GREB1: variants seen among roughly 807,000 people sequenced by gnomAD.
GREB1 encodes the protein growth regulating estrogen receptor binding 1.
GREB1 carries 106 observed loss-of-function variants against 200.7 expected under a neutral mutation model. The observed-to-expected ratio is 0.53, with a 90% CI of 0.45 to 0.62. The LOEUF is 0.62. Ranked by LOEUF, GREB1 falls within the 20% of genes least tolerant of loss-of-function variation. The probability of loss-of-function intolerance (pLI) is 0.00; values close to 1 mark genes in which losing one functional copy is unlikely to be tolerated. For synonymous variants in GREB1, 1,132 were observed against 1,092.4 expected, an observed-to-expected ratio of 1.04 and a Z score of -0.72; for missense variants, 2,243 against 2,556.8, an observed-to-expected ratio of 0.88 and a Z score of 2.65.
chr2:11,598,024 C>A, intron 14 of GREB1, 46 bp downstream of exon 14: 1 of 1,391,884 alleles, frequency 7.2e-7, no homozygotes, highest in Non-Finnish European at 1.0e-6. Flanking sequence ...AAGCTTTGAT[C>A]TGCCGAAATC....
At chr2:11,586,222 G>A (rs1460894827) in intron 9 of GREB1, among the ~76,000 whole-genome samples, 1 of 152,158 alleles carries the variant, frequency 6.6e-6, no homozygotes, top group Non-Finnish European at 1.5e-5. Context: ...CTTCTGCCGT[G>A]GTCCCAGACC....
chr2:11,552,782 C>T (rs187434257), intron 1 of GREB1, among the ~76,000 whole-genome samples: 2,386 of 151,982 alleles, frequency 0.016, 66 homozygotes, highest in African/African-American at 0.054. Flanking sequence ...GAGGCCGAGG[C>T]GGGCGGATCA....
chr2:11,610,640 C>A, intron 17 of GREB1, 48 bp from the exon 18 acceptor site: 1 of 1,425,162 alleles, frequency 7.0e-7, no homozygotes, highest in South Asian at 1.3e-5. Flanking sequence ...CAGCAGCAGG[C>A]CGGTGGGCGC....
At chr2:11,536,071 A>G (rs1674279645) in intron 1 of GREB1, among the ~76,000 whole-genome samples, 1 of 152,188 alleles carries the variant, frequency 6.6e-6, no homozygotes, top group African/African-American at 2.4e-5. Context: ...AGGGAAGCAC[A>G]CAGATTAACC....
At chr2:11,579,563 A>T (rs1206100873) in intron 6 of GREB1, among the ~76,000 whole-genome samples, 1 of 152,072 alleles carries the variant, frequency 6.6e-6, no homozygotes, top group Non-Finnish European at 1.5e-5. Context: ...TACAGTGACC[A>T]CCCCCATTTT....
Position 11,507,395 on chromosome 2 carries a change from C to T in GREB1, c.-159+25014C>T, listed in dbSNP as rs1425866849. The stretch of plus-strand genomic sequence containing the variant: ...CTGCACTCCAGCCTGGGCAACAGAG[C>T]AAGACTCCAAAAAAAAAAAAAAACC... On this transcript the variant is annotated intron_variant, in intron 1 of 2. Transcript: ENST00000628795. Among the ~76,000 whole-genome samples the T allele has an allele frequency of 5.2e-5, 3 of 57,596 alleles. 1 individual carries two copies. Among genetic ancestry groups the T allele is most frequent in the Admixed American group, 4.9e-4 (2 of 4,110 alleles). The allele number at this position is 57,596 out of a possible 152,430, so 37.8% of individuals were successfully genotyped here.
intron 1 of GREB1, among the ~76,000 whole-genome samples, chr2:11,497,827 T>C (rs1204967996): frequency 6.6e-6 from 1 of 152,150 alleles, no homozygotes; most frequent in Admixed American, 6.6e-5. Context: ...TTCTTTTGCT[T>C]TGTTATACTA....
intron 1 of GREB1, among the ~76,000 whole-genome samples, chr2:11,485,752 A>G (rs1672642409): frequency 6.6e-6 from 1 of 152,208 alleles, no homozygotes; most frequent in African/African-American, 2.4e-5. Context: ...TTCTAGTACT[A>G]TCATTTTACT....
chr2:11,578,379 C>T lies in GREB1; in HGVS notation c.720C>T (p.Ser240=), dbSNP rs771445913. The T allele has an allele frequency of 1.1e-5, 17 of 1,613,928 alleles. No individual in the cohort carries two copies. The highest frequency in any genetic ancestry group is 6.7e-5 in the African/African-American group (5 of 74,918). ...PALESTAAFP[S]EPVPGTNPSI... ...TGGAGAGCACGGCTGCCTTCCCCAGCGAGCCCGTTCCTGGGACGAACCCCA... is the reference window on the plus strand; with the variant it reads ...TGGAGAGCACGGCTGCCTTCCCCAGTGAGCCCGTTCCTGGGACGAACCCCA... Residue 240 remains serine (S), a synonymous_variant, in exon 6 of 33, where the codon AGC becomes AGT. Transcript: ENST00000381486.
intron 23 of GREB1, among the ~76,000 whole-genome samples, chr2:11,622,886 A>C (rs915017562): frequency 6.6e-6 from 1 of 152,226 alleles, no homozygotes; most frequent in South Asian, 2.1e-4. Context: ...TTCTCACAGC[A>C]AACAGCACAA....
intron 1 of GREB1, among the ~76,000 whole-genome samples, chr2:11,482,901 G>C (rs939792883): frequency 2.0e-5 from 3 of 151,546 alleles, no homozygotes; most frequent in African/African-American, 7.2e-5. Flanking sequence ...GGCTGGGCTA[G>C]CCTCCGTCGG....
At chr2:11,535,384 CTTATTTAT>C (rs113410274) in intron 1 of GREB1, among the ~76,000 whole-genome samples, 4 of 151,242 alleles carry the variant, frequency 2.6e-5, no homozygotes, top group South Asian at 2.1e-4. Context: ...CCTCACCCCA[CTTATTTAT>C]TTATTTATTT....
chr2:11,552,770 G>A (rs1004159100), intron 1 of GREB1, among the ~76,000 whole-genome samples: 4 of 152,052 alleles, frequency 2.6e-5, no homozygotes, highest in African/African-American at 4.8e-5. Context: ...CCAGCACTTT[G>A]GGAGGCCGAG....
chr2:11,483,040 C>T (rs1672545033), intron 1 of GREB1, among the ~76,000 whole-genome samples: 1 of 151,542 alleles, frequency 6.6e-6, no homozygotes, highest in African/African-American at 2.4e-5. Flanking sequence ...GGCGGGCACT[C>T]GGCGCCCGGC....
Position 11,610,950 on chromosome 2 carries a change from G to A in GREB1, c.2929G>A (p.Glu977Lys). 6.2e-7 allele frequency: 1 copy of A among 1,610,198 alleles called. No homozygotes were observed. Among genetic ancestry groups the A allele is most frequent in the East Asian group, 2.2e-5 (1 of 44,708 alleles). The change falls in exon 18 of 33, where the codon GAG becomes AAG. Residue 977 changes from glutamate to lysine, a missense_variant. Glu to Lys is a moderately conservative substitution (Grantham distance 56, BLOSUM62 1). This residue lies in a region of GREB1 where 1,178 missense variants were observed against 1,387.4 expected (regional missense o/e 0.85). Coordinates refer to ENST00000381486, the MANE Select transcript of GREB1 (RefSeq NM_014668.4). ...LAHVRARLAL[E>K]EHFEIILGSP... ...CCACGTGCGGGCCCGGCTGGCGCTG[G>A]AGGAGCACTTTGAGATCATCCTGGG...
upstream of GREB1, among the ~76,000 whole-genome samples, chr2:11,533,596 A>T (rs962210707): frequency 2.0e-5 from 3 of 152,204 alleles, no homozygotes; most frequent in Admixed American, 2.0e-4. Context: ...TTTGTGTTTG[A>T]TGGAGGAAAA....
At position 11,633,198 on chromosome 2, in the gene GREB1, G is replaced by T; in HGVS notation, c.4991+135G>T. The T allele has an allele frequency of 2.4e-6, 2 of 826,780 alleles. No homozygotes were observed. The highest frequency in any genetic ancestry group is 3.2e-5 in the South Asian group (2 of 62,312). The allele number at this position is 826,780 out of a possible 1,614,324, so 51.2% of individuals were successfully genotyped here. On this transcript the variant is annotated intron_variant, in intron 28 of 32. Transcript: ENST00000381486. The surrounding 1 kb of genome is among the most constrained non-coding windows in gnomAD (Gnocchi z 4.1). Reference sequence around the variant, plus strand: ...CATAGTAGAAGGGGTGGTTGTGGTTGTGGTTCCCAGAGTCCTGGGTGTGGT... The same window carrying T: ...CATAGTAGAAGGGGTGGTTGTGGTTTTGGTTCCCAGAGTCCTGGGTGTGGT...
chr2:11,632,256 T>C, intron 27 of GREB1, 143 bp downstream of exon 27: 1 of 625,408 alleles, frequency 1.6e-6, no homozygotes. Context: ...TGTCTGACTT[T>C]TTTATGCAGT....
intron 17 of GREB1, among the ~76,000 whole-genome samples, chr2:11,604,024 C>T (rs961135529): frequency 6.6e-6 from 1 of 152,198 alleles, no homozygotes; most frequent in African/African-American, 2.4e-5. Flanking sequence ...ACGTAGCCAC[C>T]AAGCCACATT....
Sources: allele counts gnomAD v4.1 joint callset (sites outside exome capture counted in the v4.1 genomes callset), GRCh38; gene constraint gnomAD v4.1.1; regional missense constraint gnomAD v4.1.1; non-coding constraint Gnocchi (gnomAD v3.1); transcripts MANE v1.5; gene names NCBI Gene and HGNC (gene_info 2026-07-23, HGNC 2026-07-21).